The following WDPCP variants were observed in gnomAD, a reference collection of about 807,000 sequenced individuals.
WDPCP encodes the protein WD repeat-containing and planar cell polarity effector protein fritz homolog.
In WDPCP, 71 loss-of-function variants were observed where a neutral mutation model predicts 93.1. That is an observed-to-expected ratio of 0.76 (90% CI 0.63 to 0.93). WDPCP has a LOEUF of 0.93. WDPCP is among the 40% of genes least tolerant of loss of function. WDPCP has a pLI of 0.00. For synonymous variants in WDPCP, 315 were observed against 315.0 expected (o/e 1.00, Z 0.00); for missense variants, 844 against 887.4 (o/e 0.95, Z 0.62).
At chr2:63,812,188 G>C (rs373521276) in intron 2 of WDPCP, among the ~76,000 whole-genome samples, 1 of 152,216 alleles carries the variant, frequency 6.6e-6, no homozygotes, top group South Asian at 2.1e-4. Flanking sequence ...CTGTTCCTGT[G>C]TTAATTTGCT....
intron 8 of WDPCP, among the ~76,000 whole-genome samples, chr2:63,435,105 C>T (rs79712525): frequency 0.027 from 4,146 of 152,192 alleles, 80 homozygotes; most frequent in South Asian, 0.067. Context: ...GAACTGAAAT[C>T]AAAGTAATTA....
intron 2 of WDPCP, among the ~76,000 whole-genome samples, chr2:63,652,468 T>A (rs923459392): frequency 1.3e-5 from 2 of 152,190 alleles, no homozygotes; most frequent in Non-Finnish European, 2.9e-5. Context: ...TTCACTTGCT[T>A]GAAATCAGGA....
At chr2:63,674,899 T>C (rs867431166) in intron 2 of WDPCP, among the ~76,000 whole-genome samples, 3 of 152,334 alleles carry the variant, frequency 2.0e-5, no homozygotes, top group Non-Finnish European at 4.4e-5. Flanking sequence ...CACCCTAAGA[T>C]CTGAGAATAC....
At chr2:63,306,857 C>A (rs1319647482) in intron 13 of WDPCP, among the ~76,000 whole-genome samples, 2 of 152,210 alleles carry the variant, frequency 1.3e-5, no homozygotes, top group East Asian at 3.9e-4. Flanking sequence ...TCTCTCAGCA[C>A]TCCTATTCAA....
chr2:63,213,344 G>T (rs1472745512), intron 14 of WDPCP, among the ~76,000 whole-genome samples: 1 of 152,176 alleles, frequency 6.6e-6, no homozygotes, highest in Non-Finnish European at 1.5e-5. Context: ...CAACTACATG[G>T]AAACTGAACA....
chr2:63,495,783 ATTTG>A (rs1701188445), intron 1 of WDPCP, among the ~76,000 whole-genome samples: 2 of 152,172 alleles, frequency 1.3e-5, no homozygotes, highest in Non-Finnish European at 2.9e-5. Flanking sequence ...CACTACGCAA[ATTTG>A]TATGGAAAAA....
chr2:63,697,420 T>A (rs1469509197), intron 2 of WDPCP, among the ~76,000 whole-genome samples: 1 of 152,082 alleles, frequency 6.6e-6, no homozygotes, highest in African/African-American at 2.4e-5. Context: ...ACAAATGAAA[T>A]GTTAATCATT....
At chr2:63,766,068 G>A (rs1553455071) in intron 2 of WDPCP, among the ~76,000 whole-genome samples, 1 of 152,210 alleles carries the variant, frequency 6.6e-6, no homozygotes, top group Non-Finnish European at 1.5e-5. Context: ...ATGCACCTAG[G>A]TGCATTTTAG....
intron 9 of WDPCP, among the ~76,000 whole-genome samples, chr2:63,415,167 A>C (rs1384081236): frequency 2.0e-5 from 3 of 152,170 alleles, no homozygotes; most frequent in Admixed American, 2.0e-4. Context: ...TTTGAGACCC[A>C]CCTGGGCAAC....
At chr2:63,213,383 T>C (rs183945149) in intron 14 of WDPCP, among the ~76,000 whole-genome samples, 1 of 152,300 alleles carries the variant, frequency 6.6e-6, no homozygotes, top group Admixed American at 6.5e-5. Flanking sequence ...ACTGGGTATA[T>C]AATGAAATGA....
At chr2:63,416,907 A>G (rs1695477944) in intron 9 of WDPCP, among the ~76,000 whole-genome samples, 1 of 152,216 alleles carries the variant, frequency 6.6e-6, no homozygotes, top group Non-Finnish European at 1.5e-5. Context: ...TAACAGCCAC[A>G]GACAACACCG....
intron 2 of WDPCP, among the ~76,000 whole-genome samples, chr2:63,729,814 TAC>T (rs1321683455): frequency 6.6e-6 from 1 of 152,106 alleles, no homozygotes; most frequent in East Asian, 1.9e-4. Context: ...AAAAAAAAAA[TAC>T]AGTCAAAAGT....
intron 12 of WDPCP, among the ~76,000 whole-genome samples, chr2:63,364,379 A>G (rs1690728393): frequency 1.3e-5 from 2 of 152,136 alleles, no homozygotes. Context: ...TATATCTTTG[A>G]GTACATCTTC....
At chr2:63,527,379 C>T (rs1299533836) in intron 1 of WDPCP, among the ~76,000 whole-genome samples, 1 of 120,328 alleles carries the variant, frequency 8.3e-6, no homozygotes, top group African/African-American at 3.1e-5. Context: ...CCACCCCCAA[C>T]CAACGACAGG....
At chr2:63,636,936 A>G (rs1022242150) in intron 3 of WDPCP, among the ~76,000 whole-genome samples, 4 of 152,252 alleles carry the variant, frequency 2.6e-5, no homozygotes, top group Non-Finnish European at 2.9e-5. Context: ...TGGATTTAAC[A>G]TTTAAGTGTA....
chr2:63,707,506 G>A (rs971339629), intron 2 of WDPCP, among the ~76,000 whole-genome samples: 3 of 151,958 alleles, frequency 2.0e-5, no homozygotes, highest in Non-Finnish European at 2.9e-5. Flanking sequence ...CTCTGCATTG[G>A]TTATTCTAGT....
At chr2:63,697,193 C>G (rs1181441027) in intron 2 of WDPCP, among the ~76,000 whole-genome samples, 2 of 152,136 alleles carry the variant, frequency 1.3e-5, no homozygotes, top group African/African-American at 4.8e-5. Flanking sequence ...CCCACACTAC[C>G]TGCCAGCATT....
chr2:63,333,855 T>G (rs749337194), intron 12 of WDPCP, among the ~76,000 whole-genome samples: 3 of 152,198 alleles, frequency 2.0e-5, no homozygotes, highest in East Asian at 1.9e-4. Context: ...TTAAAATATT[T>G]TACAGAGTTT....
chr2:63,233,194 T>TC (rs1267519183), intron 14 of WDPCP: 2 of 153,984 alleles, frequency 1.3e-5, no homozygotes, highest in Admixed American at 1.3e-4. Flanking sequence ...TGCAGGCAGA[T>TC]CTTTTTTCAC....
Sources: allele counts gnomAD v4.1 joint callset (sites outside exome capture counted in the v4.1 genomes callset), GRCh38; gene constraint gnomAD v4.1.1; transcripts MANE v1.5; gene names NCBI Gene and HGNC (gene_info 2026-07-23, HGNC 2026-07-21).